The following LIG1 variants were observed in gnomAD, a reference collection of about 807,000 sequenced individuals.
LIG1 encodes ligase I, DNA, ATP-dependent.
Under a neutral mutation model 115.7 loss-of-function variants are expected in LIG1, and 70 were observed. That is an observed-to-expected ratio of 0.60 (90% CI 0.50 to 0.74). The LOEUF is 0.74. Among genes scored for constraint, LIG1 ranks in the 30% least tolerant of loss-of-function variants. The pLI, the probability that LIG1 is intolerant of heterozygous loss-of-function variation, is 0.00. For synonymous variants in LIG1, 487 were observed against 495.3 expected, an observed-to-expected ratio of 0.98 and a Z score of 0.22; for missense variants, 1,115 against 1,225.6, an observed-to-expected ratio of 0.91 and a Z score of 1.35.
chr19:48,129,660 C>T (rs936884746), intron 19 of LIG1, among the ~76,000 whole-genome samples: 20 of 152,314 alleles, frequency 1.3e-4, no homozygotes, highest in Middle Eastern at 3.4e-3. Context: ...CAACCTGTGG[C>T]GACCAAAAAG....
In LIG1 at chr19:48,122,935, T is replaced by A; in HGVS notation, c.2231A>T (p.Lys744Met). 1 of 1,612,884 alleles carries A rather than the reference T, an allele frequency of 6.2e-7. No homozygotes were observed. Among genetic ancestry groups the A allele is most frequent in the South Asian group, 1.1e-5 (1 of 91,008 alleles). The change falls in exon 23 of 28, where the codon AAG becomes ATG. Residue 744 changes from lysine (K) to methionine (M), a missense_variant and splice_region_variant. Coordinates refer to ENST00000263274, the MANE Select transcript of LIG1 (RefSeq NM_000234.3). This position sits in a 1 kb window ranked among gnomAD's most constrained non-coding sequence, Gnocchi z 4.3. Reference sequence around the variant, plus strand: ...GCCCAGTTGGGGGTCGAGAATCACCTTGAGCCAGTTGTGCGATCTCTTGGC... The same window carrying A: ...GCCCAGTTGGGGGTCGAGAATCACCATGAGCCAGTTGTGCGATCTCTTGGC... ...EIAKRSHNWL[K>M]LKKDYLDGVG...
intron 12 of LIG1, 78 bp downstream of exon 12, chr19:48,139,892 TC>T: frequency 1.3e-6 from 2 of 1,508,734 alleles, no homozygotes; most frequent in Non-Finnish European, 9.2e-7. Flanking sequence ...CTCCACCATC[TC>T]TCCGATCCAC....
chr19:48,137,860 C>A lies in LIG1; in HGVS notation c.1088-172G>T. 1 of 773,086 alleles carries A rather than the reference C, an allele frequency of 1.3e-6. No individual in the cohort carries two copies. Among genetic ancestry groups the A allele is most frequent in the Non-Finnish European group, 2.1e-6 (1 of 474,550 alleles). 47.9% of individuals were successfully genotyped at this position (773,086 alleles called of 1,614,324 possible). ...GGTAGAAATGGCTTGGGGAACGTGC[C>A]CCCAGCCACGCTGGCTGTAGGAAGT... On this transcript the variant is annotated intron_variant, in intron 12 of 27. Transcript: ENST00000263274. This position sits in a 1 kb window ranked among gnomAD's most constrained non-coding sequence, Gnocchi z 4.3.
intron 5 of LIG1, among the ~76,000 whole-genome samples, chr19:48,155,799 T>C (rs995960073): frequency 2.4e-4 from 37 of 152,330 alleles, no homozygotes; most frequent in African/African-American, 8.9e-4. Context: ...CAACATGATC[T>C]GTGTAGGTTT....
intron 12 of LIG1, among the ~76,000 whole-genome samples, chr19:48,138,370 C>T (rs530751484): frequency 1.6e-4 from 25 of 152,328 alleles, no homozygotes; most frequent in Middle Eastern, 6.8e-3. Context: ...CGCCCTAACC[C>T]TAACACAGAA....
At chr19:48,143,258 G>A (rs890285873) in intron 11 of LIG1, among the ~76,000 whole-genome samples, 1 of 152,158 alleles carries the variant, frequency 6.6e-6, no homozygotes, top group African/African-American at 2.4e-5. Context: ...AAGTAATCAC[G>A]GACTGTGTGC....
Position 48,122,162 on chromosome 19 carries a change from C to T in LIG1, c.2232+772G>A, listed in dbSNP as rs1194616873. 1 of 154,556 alleles carries T rather than the reference C, an allele frequency of 6.5e-6. No individual in the cohort carries two copies. The highest frequency in any genetic ancestry group is 1.4e-5 in the Non-Finnish European group (1 of 69,702). 9.6% of individuals were successfully genotyped at this position (154,556 alleles called of 1,614,324 possible). A position where few individuals can be genotyped will look rare whatever the true frequency, so the allele number is the denominator to read the frequency against. On this transcript the variant is annotated intron_variant, in intron 23 of 27. Transcript: ENST00000263274. The surrounding 1 kb of genome is among the most constrained non-coding windows in gnomAD (Gnocchi z 4.3). ...CGCTCCAGTCCCCTTGTCCACCCCT[C>T]ACTGCCCCTCTCCACTCAAACATCC... is the stretch of plus-strand genomic sequence containing the variant.
intron 4 of LIG1, chr19:48,161,072 G>A (rs1205976577): frequency 2.2e-6 from 1 of 446,916 alleles, no homozygotes; most frequent in Non-Finnish European, 4.2e-6. Context: ...ATTATTCTCA[G>A]ATCTGTATGT....
intron 25 of LIG1, among the ~76,000 whole-genome samples, chr19:48,118,666 G>C (rs2033047225): frequency 6.9e-6 from 1 of 145,818 alleles, no homozygotes; most frequent in Non-Finnish European, 1.5e-5. Flanking sequence ...AGCCTCCCAA[G>C]TAGCTGGGAC....
intron 9 of LIG1, among the ~76,000 whole-genome samples, chr19:48,147,824 GAA>G (rs5828335): frequency 6.0e-5 from 9 of 149,514 alleles, no homozygotes; most frequent in Admixed American, 2.7e-4. Context: ...ATTGACTAGT[GAA>G]AAAAAAAAAT....
Position 48,137,658 on chromosome 19 carries a change from G to A in LIG1, c.1118C>T (p.Ala373Val), listed in dbSNP as rs761116054. Residue 373 changes from alanine (A) to valine (V), a missense_variant, in exon 13 of 28, where the codon GCA becomes GTA. Ala to Val is a moderately conservative substitution (Grantham distance 64, BLOSUM62 0). Transcript: ENST00000263274. This position sits in a 1 kb window ranked among gnomAD's most constrained non-coding sequence, Gnocchi z 4.3. Reference protein sequence around the residue: ...GRQLESVRAEAAEKGDVGLVA... With the variant: ...GRQLESVRAEVAEKGDVGLVA... ...CAGCCCCACGTCGCCTTTCTCGGCT[G>A]CCTCAGCCCGGACGGACTCCAGCTG... The A allele has an allele frequency of 2.5e-6, 4 of 1,606,934 alleles. No homozygotes were observed. Among genetic ancestry groups the A allele is most frequent in the East Asian group, 2.2e-5 (1 of 44,872 alleles).
intron 2 of LIG1, among the ~76,000 whole-genome samples, chr19:48,162,918 T>C (rs1362591876): frequency 2.5e-5 from 3 of 118,412 alleles, no homozygotes; most frequent in African/African-American, 6.6e-5. Flanking sequence ...ATGCACTTTT[T>C]AAATCTTTTT....
chr19:48,165,447 G>A (rs528690001), intron 2 of LIG1, 103 bp downstream of exon 2: 16 of 966,738 alleles, frequency 1.7e-5, no homozygotes, highest in African/African-American at 9.6e-5. Context: ...AAAATCTAAC[G>A]TAAGAGTTTT....
chr19:48,124,564 T>C (rs2033537638), intron 21 of LIG1, among the ~76,000 whole-genome samples: 1 of 152,260 alleles, frequency 6.6e-6, no homozygotes, highest in African/African-American at 2.4e-5. Flanking sequence ...TCACTGGCTT[T>C]AGAAGACTTA....
intron 4 of LIG1, 50 bp from the exon 5 acceptor site, chr19:48,157,190 C>T (rs1324428977): frequency 5.8e-6 from 9 of 1,560,328 alleles, no homozygotes; most frequent in Non-Finnish European, 7.0e-6. Flanking sequence ...GGAGGGACTC[C>T]ATTTTCCAAA....
At chr19:48,158,175 C>A (rs2035967567) in intron 4 of LIG1, among the ~76,000 whole-genome samples, 2 of 152,184 alleles carry the variant, frequency 1.3e-5, no homozygotes, top group Non-Finnish European at 2.9e-5. Flanking sequence ...CCAAAATAAA[C>A]CTCTTTTCTT....
intron 21 of LIG1, among the ~76,000 whole-genome samples, chr19:48,124,254 T>C (rs1376759535): frequency 2.0e-5 from 3 of 152,140 alleles, no homozygotes; most frequent in African/African-American, 7.2e-5. Context: ...TCATGAACAT[T>C]TTGTATGAAA....
At chr19:48,132,653 C>T (rs3730989) in intron 18 of LIG1, among the ~76,000 whole-genome samples, 45,769 of 151,322 alleles carry the variant, frequency 0.3, 7,959 homozygotes, top group East Asian at 0.56. Flanking sequence ...TAGCCGGGCA[C>T]GGTAGCGGGC....
chr19:48,158,278 G>T (rs80250341), intron 4 of LIG1, among the ~76,000 whole-genome samples: 1 of 152,138 alleles, frequency 6.6e-6, no homozygotes, highest in Non-Finnish European at 1.5e-5. Context: ...TTAATGTTGA[G>T]TGGGGTGCCC....
Sources: gnomAD v4.1 joint callset for allele counts (sites outside exome capture counted in the v4.1 genomes callset) on GRCh38, gnomAD v4.1.1 for gene constraint, Gnocchi (gnomAD v3.1) non-coding constraint, MANE v1.5 for transcripts, NCBI Gene and HGNC (gene_info 2026-07-23, HGNC 2026-07-21) for gene names.